LONP1: variants seen among roughly 807,000 people sequenced by gnomAD.
LONP1 encodes the protein lon peptidase 1, mitochondrial.
A neutral mutation model predicts 98.5 loss-of-function variants in LONP1; 31 were observed. The ratio of observed to expected loss-of-function variants is 0.31; its 90% confidence interval spans 0.24 to 0.42. The LOEUF (loss-of-function observed/expected upper bound fraction) is 0.42. LONP1 is among the 20% of genes least tolerant of loss of function. LONP1 has a pLI of 1.00. For synonymous variants in LONP1, 781 were observed against 594.7 expected (o/e 1.31, Z -4.56); for missense variants, 1,336 against 1,350.6 (o/e 0.99, Z 0.17).
chr19:5,709,387 G>C (rs2055200373), intron 4 of LONP1, among the ~76,000 whole-genome samples: 1 of 151,636 alleles, frequency 6.6e-6, no homozygotes, highest in South Asian at 2.1e-4. Context: ...TGTAATCCCA[G>C]CTACTAAGGA....
At chr19:5,716,300 A>ATATATATATATG (rs1568329236) in intron 1 of LONP1, among the ~76,000 whole-genome samples, 2 of 118,656 alleles carry the variant, frequency 1.7e-5, no homozygotes, top group African/African-American at 6.4e-5. Context: ...ATATATATAT[A>ATATATATATATG]GTAATGGCCC....
At position 5,711,929 on chromosome 19, in the gene LONP1, T is replaced by G; in HGVS notation, c.712A>C (p.Lys238Gln). 6.2e-7 allele frequency: 1 copy of G among 1,613,294 alleles called. No individual in the cohort carries two copies. The change falls in exon 4 of 18, where the codon AAG becomes CAG. Residue 238 changes from lysine to glutamine, a missense_variant. By Grantham distance (53) the Lys-to-Gln change is moderately conservative. Transcript: ENST00000360614. ...EAENKHKPRR[K>Q]SKRGKKEAED... ...GCCTCCTTCTTGCCCCGCTTTGACT[T>G]CCTGCGGGGCTTGTGCTTGTTCTCC...
intron 13 of LONP1, 77 bp from the exon 14 acceptor site, chr19:5,694,978 C>T: frequency 6.7e-7 from 1 of 1,499,228 alleles, no homozygotes; most frequent in Non-Finnish European, 9.1e-7. Context: ...GAGCCAATGC[C>T]TCTCCCATGG....
At chr19:5,704,061 C>G (rs553960555) in intron 8 of LONP1, among the ~76,000 whole-genome samples, 1 of 152,102 alleles carries the variant, frequency 6.6e-6, no homozygotes, top group Non-Finnish European at 1.5e-5. Flanking sequence ...TGAAGGTCCC[C>G]GAGACAGGAG....
At chr19:5,700,726 C>T (rs2055024907) in intron 9 of LONP1, 63 bp downstream of exon 9, 1 of 1,598,820 alleles carries the variant, frequency 6.3e-7, no homozygotes, top group Middle Eastern at 1.8e-4. Flanking sequence ...ACCCACAGCA[C>T]ACAAGAGTCC....
intron 9 of LONP1, 49 bp downstream of exon 9, chr19:5,700,740 G>A (rs1478259588): frequency 1.2e-5 from 19 of 1,608,310 alleles, no homozygotes; most frequent in Non-Finnish European, 1.6e-5. Context: ...AGAGTCCTGG[G>A]CCCGGGCACC....
intron 4 of LONP1, among the ~76,000 whole-genome samples, chr19:5,709,494 C>CT (rs1278003455): frequency 1.3e-5 from 2 of 151,990 alleles, no homozygotes; most frequent in Non-Finnish European, 2.9e-5. Flanking sequence ...GGGTGAGACT[C>CT]TGTCTCCAAA....
upstream of LONP1, chr19:5,720,301 C>T (rs1031302924): frequency 8.2e-4 from 793 of 967,762 alleles, no homozygotes; most frequent in Non-Finnish European, 1.0e-3. Flanking sequence ...AGCATCGGAT[C>T]GTCTCCGCCT....
intron 11 of LONP1, 80 bp from the exon 12 acceptor site, chr19:5,696,451 C>G: frequency 1.3e-6 from 2 of 1,548,814 alleles, no homozygotes; most frequent in Non-Finnish European, 1.8e-6. Context: ...AGGGTCAGGG[C>G]TGGGGAGACC....
chr19:5,713,067 G>A, intron 3 of LONP1, 67 bp downstream of exon 3: 2 of 1,605,308 alleles, frequency 1.2e-6, no homozygotes, highest in Non-Finnish European at 1.7e-6. Context: ...GGGGCATAAG[G>A]CATCCTGGCT....
At chr19:5,695,253 G>A (rs762103838) in intron 13 of LONP1, among the ~76,000 whole-genome samples, 4 of 152,130 alleles carry the variant, frequency 2.6e-5, no homozygotes, top group African/African-American at 4.8e-5. Context: ...CTCAGCACAT[G>A]AGGAAGGGGA....
At chr19:5,696,394 GTGCCCCTCGCC>G in intron 11 of LONP1, 23 bp from the exon 12 acceptor site, 1 of 1,609,794 alleles carries the variant, frequency 6.2e-7, no homozygotes, top group Non-Finnish European at 8.5e-7. Context: ...ACAGCAGGTG[GTGCCCCTCGCC>G]GTGCCCCTGG....
intron 9 of LONP1, among the ~76,000 whole-genome samples, chr19:5,700,387 A>T (rs1345445884): frequency 6.6e-6 from 1 of 152,230 alleles, no homozygotes; most frequent in Non-Finnish European, 1.5e-5. Flanking sequence ...TGCTGGGATT[A>T]CAGGCATGAG....
rs372229945 is a variant in LONP1, at chr19:5,693,281, G to C, written c.2703+17C>G. On this transcript the variant is annotated intron_variant, in intron 17 of 17. Transcript: ENST00000360614. ...TGGGCCCTGCCAGTGCTGTGGGGTG[G>C]GTACAGGGACACTCACCGCAATGGT... The C allele has an allele frequency of 2.5e-5, 40 of 1,593,436 alleles. No homozygotes were observed. In the African/African-American group the frequency reaches 4.2e-4, roughly 17 times the overall value.
chr19:5,708,415 G>T lies in LONP1; in HGVS notation c.871-12C>A, dbSNP rs753322674. 3.1e-6 allele frequency: 5 copies of T among 1,608,580 alleles called. No homozygotes were observed. Among genetic ancestry groups the T allele is most frequent in the Non-Finnish European group, 3.4e-6 (4 of 1,179,120 alleles). ...TCTGCAGTCAGGGCCTGCCAAGTATGGGGCAGGGTCGCTGGGGCCCAGCAG... is the reference window on the plus strand; with the variant it reads ...TCTGCAGTCAGGGCCTGCCAAGTATTGGGCAGGGTCGCTGGGGCCCAGCAG... On this transcript the variant is annotated splice_polypyrimidine_tract_variant and intron_variant, in intron 4 of 17. Coordinates refer to ENST00000360614, the MANE Select transcript of LONP1 (RefSeq NM_004793.4).
chr19:5,716,253 A>AATATAAATATATATATAT (rs1200539692), intron 1 of LONP1, among the ~76,000 whole-genome samples: 1 of 71,720 alleles, frequency 1.4e-5, no homozygotes, highest in Non-Finnish European at 2.6e-5. Flanking sequence ...ATAAAGTTAA[A>AATATAAATATATATATAT]ATATACATAT....
intron 8 of LONP1, among the ~76,000 whole-genome samples, chr19:5,703,550 AGAG>A (rs1230225265): frequency 6.6e-6 from 1 of 151,896 alleles, no homozygotes; most frequent in Non-Finnish European, 1.5e-5. Context: ...AAGAGGATGA[AGAG>A]GAGGACGGCT....
At chr19:5,698,566 T>C (rs370386562) in intron 10 of LONP1, among the ~76,000 whole-genome samples, 4 of 152,248 alleles carry the variant, frequency 2.6e-5, no homozygotes, top group African/African-American at 9.6e-5. Context: ...AAGGTTTCTC[T>C]GGTGTGCGCG....
In LONP1 at chr19:5,713,265, G is replaced by A; in HGVS notation, c.519-12C>T. 6.2e-7 allele frequency: 1 copy of A among 1,612,850 alleles called. No individual in the cohort carries two copies. Among genetic ancestry groups the A allele is most frequent in the Non-Finnish European group, 8.5e-7 (1 of 1,179,238 alleles). ...CATCCGACTCATTGCTGTGGGAGAA[G>A]AGCACAGAGGAATGTTGGAACATGG... On this transcript the variant is annotated splice_polypyrimidine_tract_variant and intron_variant, in intron 2 of 17. Coordinates refer to ENST00000360614, the MANE Select transcript of LONP1 (RefSeq NM_004793.4).
Sources: gnomAD v4.1 joint callset for allele counts (sites outside exome capture counted in the v4.1 genomes callset) on GRCh38, gnomAD v4.1.1 for gene constraint, MANE v1.5 for transcripts, NCBI Gene and HGNC (gene_info 2026-07-23, HGNC 2026-07-21) for gene names.